The following CNR2 variants were observed in gnomAD, a reference collection of about 807,000 sequenced individuals.
CNR2 encodes the protein cannabinoid receptor 2.
For synonymous variants in CNR2, 172 were observed against 182.2 expected (o/e 0.94, Z 0.45); for missense variants, 379 against 439.9 (o/e 0.86, Z 1.24).
chr1:23,898,531 CG>C (rs1386416194), intron 1 of CNR2, among the ~76,000 whole-genome samples: 2 of 148,714 alleles, frequency 1.3e-5, no homozygotes, highest in African/African-American at 5.0e-5. Context: ...TTAGTAGAGA[CG>C]GGGTTTCACC....
At chr1:23,902,743 G>C (rs1640421954) in intron 1 of CNR2, 1 of 1,538,958 alleles carries the variant, frequency 6.5e-7, no homozygotes, top group East Asian at 2.3e-5. Context: ...GTGGGGGACC[G>C]CGCCATTTGG....
At chr1:23,908,743 T>C (rs1198219142) in intron 1 of CNR2, among the ~76,000 whole-genome samples, 1 of 152,098 alleles carries the variant, frequency 6.6e-6, no homozygotes, top group Non-Finnish European at 1.5e-5. Flanking sequence ...CTCAGTGGGC[T>C]CTATTCCCCA....
intron 1 of CNR2, among the ~76,000 whole-genome samples, chr1:23,900,558 G>A (rs1640381698): frequency 6.7e-6 from 1 of 149,582 alleles, no homozygotes; most frequent in Non-Finnish European, 1.5e-5. Flanking sequence ...CCAGGCTAGG[G>A]TGCAATGGTG....
At chr1:23,880,872 A>C (rs1639973252) in intron 1 of CNR2, among the ~76,000 whole-genome samples, 1 of 149,720 alleles carries the variant, frequency 6.7e-6, no homozygotes, top group South Asian at 2.1e-4. Context: ...ATGTAATTTA[A>C]ATATAAATTA....
At chr1:23,885,414 AC>A (rs1229249962) in intron 1 of CNR2, among the ~76,000 whole-genome samples, 3 of 152,142 alleles carry the variant, frequency 2.0e-5, no homozygotes, top group Non-Finnish European at 4.4e-5. Flanking sequence ...CTTTCAAAAT[AC>A]CTAATGCTTT....
chr1:23,904,784 A>G (rs1163214365), intron 1 of CNR2, among the ~76,000 whole-genome samples: 2 of 152,202 alleles, frequency 1.3e-5, no homozygotes, highest in East Asian at 3.8e-4. Flanking sequence ...TAACCAGGGA[A>G]CAGAGAGGTC....
intron 1 of CNR2, among the ~76,000 whole-genome samples, chr1:23,895,096 C>T (rs534121920): frequency 6.6e-6 from 1 of 152,104 alleles, no homozygotes; most frequent in East Asian, 1.9e-4. Flanking sequence ...GTGGCGTGTG[C>T]CTATAATCCC....
Position 23,870,980 on chromosome 1 carries a change from C to T in CNR2, c.*3555G>A, listed in dbSNP as rs1399475448. On this transcript the variant is annotated 3_prime_UTR_variant, in exon 2 of 2. Coordinates refer to ENST00000374472, the MANE Select transcript of CNR2 (RefSeq NM_001841.3). ...CCAGCCTGGCCAATATGGTGAAATT[C>T]CATCTCTACTAACAATACAAAAATT... 6.6e-6 allele frequency: 1 copy of T among 151,918 alleles called. No homozygotes were observed. The highest frequency in any genetic ancestry group is 1.5e-5 in the Non-Finnish European group (1 of 68,026). The allele number at this position is 151,918 out of a possible 1,614,324, so 9.4% of individuals were successfully genotyped here.
At chr1:23,902,104 C>G (rs6669546) in intron 1 of CNR2, 1,472,090 of 1,476,656 alleles carry the variant, frequency 1, 733,867 homozygotes, top group East Asian at 1. Flanking sequence ...ATAGAGGGCT[C>G]GCCCCAAAAC....
intron 1 of CNR2, among the ~76,000 whole-genome samples, chr1:23,899,907 G>GT (rs1398748320): frequency 1.6e-3 from 1 of 644 alleles, no homozygotes; most frequent in Non-Finnish European, 7.7e-3. Flanking sequence ...AAGAAAGAAA[G>GT]AGAAAGAAAG....
At position 23,873,881 on chromosome 1, in the gene CNR2, C is replaced by G. The variant is rs1368796614; in HGVS notation, c.*654G>C. On this transcript the variant is annotated 3_prime_UTR_variant, in exon 2 of 2. Transcript: ENST00000374472. ...TTTGTGTCTCAGGCGATCCCAGCCT[C>G]CTCTGTATTTCCAGGGACCTGAGGT... 1.3e-5 allele frequency: 2 copies of G among 152,268 alleles called. No individual in the cohort carries two copies. The highest frequency in any genetic ancestry group is 2.9e-5 in the Non-Finnish European group (2 of 68,052). 9.4% of individuals were successfully genotyped at this position (152,268 alleles called of 1,614,324 possible).
In CNR2 at chr1:23,874,535, T is replaced by C. The variant is rs1639829706; in HGVS notation, c.1083A>G (p.Ter361TrpextTer1). Reference sequence around the variant, plus strand: ...TTGTTTAAATTGGGAAGAGGCCTCATCAGCAATCAGAGAGGTCTAGATCTC... The same window carrying C: ...TTGTTTAAATTGGGAAGAGGCCTCACCAGCAATCAGAGAGGTCTAGATCTC... ...DSRDLDLSDC[*>W] Residue 361 changes from the stop codon to tryptophan (W), a stop_lost, in exon 2 of 2, where the codon TGA becomes TGG. Transcript: ENST00000374472. The C allele has an allele frequency of 6.2e-7, 1 of 1,609,784 alleles. No homozygotes were observed.
Position 23,875,210 on chromosome 1 carries a change from G to A in CNR2, c.408C>T (p.Arg136=). The part of the protein sequence containing the change: ...LTAIDRYLCL[R]YPPSYKALLT... ...GCAGAGCTTTGTAGGAAGGTGGATA[G>A]CGCAGGCAGAGGTATCGGTCAATGG... The change falls in exon 2 of 2, where the codon CGC becomes CGT. Residue 136 remains arginine, a synonymous_variant. Transcript: ENST00000374472. The A allele has an allele frequency of 1.2e-6, 2 of 1,614,174 alleles. No homozygotes were observed. Among genetic ancestry groups the A allele is most frequent in the Non-Finnish European group, 1.7e-6 (2 of 1,180,028 alleles).
intron 1 of CNR2, among the ~76,000 whole-genome samples, chr1:23,877,039 A>C (rs2148457343): frequency 6.6e-6 from 1 of 152,268 alleles, no homozygotes. Context: ...GGCCCGTGAA[A>C]TTTGAGTTCA....
chr1:23,898,498 C>A (rs866405806), intron 1 of CNR2, among the ~76,000 whole-genome samples: 10 of 147,946 alleles, frequency 6.8e-5, no homozygotes, highest in African/African-American at 2.5e-4. Flanking sequence ...CCCACCACCA[C>A]GCCCGGCTAA....
intron 1 of CNR2, among the ~76,000 whole-genome samples, chr1:23,884,233 C>T (rs984465312): frequency 7.8e-6 from 1 of 128,824 alleles, no homozygotes; most frequent in Non-Finnish European, 1.7e-5. Context: ...GCACCTGCCA[C>T]CATGCCTGGC....
At chr1:23,902,005 G>A in intron 1 of CNR2, 1 of 1,604,826 alleles carries the variant, frequency 6.2e-7, no homozygotes, top group Non-Finnish European at 8.5e-7. Context: ...AGATGGTGTG[G>A]GTCTCCTCCA....
intron 1 of CNR2, chr1:23,901,921 C>T (rs1408221101): frequency 3.7e-6 from 6 of 1,603,852 alleles, no homozygotes; most frequent in Admixed American, 1.7e-5. Context: ...GGTGGCACCT[C>T]TGCGGGGTGA....
chr1:23,903,752 T>C (rs980524179), intron 1 of CNR2, among the ~76,000 whole-genome samples: 2 of 152,036 alleles, frequency 1.3e-5, no homozygotes, highest in African/African-American at 4.8e-5. Flanking sequence ...ACTTTAACAA[T>C]AGCTAGTTGT....
Sources: allele counts gnomAD v4.1 joint callset (sites outside exome capture counted in the v4.1 genomes callset), GRCh38; gene constraint gnomAD v4.1.1; transcripts MANE v1.5; gene names NCBI Gene and HGNC (gene_info 2026-07-23, HGNC 2026-07-21).